NRG3: variants seen among roughly 807,000 people sequenced by gnomAD.
NRG3 encodes neuregulin 3.
A neutral mutation model predicts 66.9 loss-of-function variants in NRG3; 31 were observed. The ratio of observed to expected loss-of-function variants is 0.46; its 90% CI spans 0.35 to 0.63. The LOEUF is 0.63. Ranked by LOEUF, NRG3 falls within the 20% of genes least tolerant of loss-of-function variation. The pLI, the probability that NRG3 is intolerant of heterozygous loss-of-function variation, is 0.00. For synonymous variants in NRG3, 393 were observed against 359.4 expected, an observed-to-expected ratio of 1.09 and a Z score of -1.06; for missense variants, 910 against 878.9, an observed-to-expected ratio of 1.04 and a Z score of -0.45.
intron 1 of NRG3, among the ~76,000 whole-genome samples, chr10:82,018,451 G>T (rs1212939071): frequency 6.6e-6 from 1 of 152,156 alleles, no homozygotes; most frequent in Non-Finnish European, 1.5e-5. Context: ...CTTTAAAGTA[G>T]TTTTTTCCAA....
chr10:82,369,054 C>T lies in NRG3; in HGVS notation c.953+10186C>T, dbSNP rs1243073551. Among the ~76,000 whole-genome samples, 2 of 138,504 alleles carry T rather than the reference C, an allele frequency of 1.4e-5. 1 individual carries two copies. Among genetic ancestry groups the T allele is most frequent in the Admixed American group, 1.4e-4 (2 of 14,714 alleles). 90.9% of individuals were successfully genotyped at this position (138,504 alleles called of 152,430 possible). A position where few individuals can be genotyped will look rare whatever the true frequency, so the allele number is the denominator to read the frequency against. ...AGCATCAGGCAGCACTTCTGGGTTC[C>T]TGAGCATGCTATTTCTTTCCAAATC... On this transcript the variant is annotated intron_variant, in intron 2 of 8. Coordinates refer to ENST00000372141, the MANE Select transcript of NRG3 (RefSeq NM_001010848.4).
At chr10:82,622,123 CT>C (rs1398192975) in intron 2 of NRG3, among the ~76,000 whole-genome samples, 1 of 152,140 alleles carries the variant, frequency 6.6e-6, no homozygotes, top group East Asian at 1.9e-4. Context: ...CCTGTTGTCA[CT>C]GGTATTTTCT....
intron 1 of NRG3, among the ~76,000 whole-genome samples, chr10:82,350,896 C>CT (rs34056865): frequency 3.0e-3 from 432 of 144,360 alleles, no homozygotes; most frequent in African/African-American, 8.4e-3. Context: ...GTTAACTCTT[C>CT]TTTTTTTTTT....
chr10:82,813,512 C>G (rs931531284), intron 3 of NRG3, among the ~76,000 whole-genome samples: 5 of 152,118 alleles, frequency 3.3e-5, no homozygotes, highest in African/African-American at 9.7e-5. Context: ...CCGTGCCCAG[C>G]CTGTACCTTT....
intron 4 of NRG3, among the ~76,000 whole-genome samples, chr10:82,931,910 A>G (rs1324767580): frequency 6.6e-6 from 1 of 152,186 alleles, no homozygotes; most frequent in African/African-American, 2.4e-5. Context: ...TATTTTCCTC[A>G]TACATCGTTT....
At chr10:82,196,990 G>A (rs2074484567) in intron 1 of NRG3, among the ~76,000 whole-genome samples, 1 of 152,168 alleles carries the variant, frequency 6.6e-6, no homozygotes, top group Admixed American at 6.5e-5. Context: ...GTTGTCTAGT[G>A]AGTAGAAATA....
intron 2 of NRG3, among the ~76,000 whole-genome samples, chr10:82,706,971 G>A (rs1395176040): frequency 6.7e-6 from 1 of 149,496 alleles, no homozygotes; most frequent in Non-Finnish European, 1.5e-5. Context: ...TCCAGCCTGG[G>A]TGACAGAGTA....
chr10:82,513,605 A>C (rs1033895185), intron 2 of NRG3, among the ~76,000 whole-genome samples: 1 of 152,102 alleles, frequency 6.6e-6, no homozygotes, highest in Non-Finnish European at 1.5e-5. Flanking sequence ...ACATGGCGAA[A>C]CCCTGTTTCT....
chr10:81,903,974 GTATATATA>G (rs71007284), intron 1 of NRG3, among the ~76,000 whole-genome samples: 173 of 143,466 alleles, frequency 1.2e-3, no homozygotes, highest in African/African-American at 4.2e-3. Flanking sequence ...TTCAGAGTGT[GTATATATA>G]TATATATATA....
chr10:82,518,910 G>A (rs1015335887), intron 2 of NRG3, among the ~76,000 whole-genome samples: 1 of 152,128 alleles, frequency 6.6e-6, no homozygotes, highest in South Asian at 2.1e-4. Flanking sequence ...AACACCAAGA[G>A]ATTTGATAAT....
rs1004400370 is a variant in NRG3 at position 81,875,661 on chromosome 10, G to A, written c.321G>A (p.Gly107=). The stretch of plus-strand genomic sequence containing the variant: ...CCACCGACCTAGTGGACTCCAAGGG[G>A]ATGGGCCAGGACCCCTTCTTCCTCT... ...YVPTDLVDSK[G]MGQDPFFLSK... The change falls in exon 1 of 9, where the codon GGG becomes GGA. Residue 107 remains glycine (G), a synonymous_variant. Coordinates refer to ENST00000372141, the MANE Select transcript of NRG3 (RefSeq NM_001010848.4). This position sits in a 1 kb window ranked among gnomAD's most constrained non-coding sequence, Gnocchi z 5.3. 6.2e-7 allele frequency: 1 copy of A among 1,613,854 alleles called. No individual in the cohort carries two copies.
At chr10:82,824,358 G>C (rs1357227008) in intron 3 of NRG3, among the ~76,000 whole-genome samples, 2 of 152,158 alleles carry the variant, frequency 1.3e-5, no homozygotes, top group African/African-American at 4.8e-5. Flanking sequence ...GTAGACATGT[G>C]TTTTTAATTC....
intron 3 of NRG3, among the ~76,000 whole-genome samples, chr10:82,861,626 G>C (rs1247547443): frequency 6.6e-6 from 1 of 152,182 alleles, no homozygotes; most frequent in Non-Finnish European, 1.5e-5. Context: ...GCAGAGCATT[G>C]AAGTTCATGG....
chr10:82,515,223 C>T (rs1386459839), intron 2 of NRG3, among the ~76,000 whole-genome samples: 1 of 152,024 alleles, frequency 6.6e-6, no homozygotes, highest in African/African-American at 2.4e-5. Context: ...TGTAACAGAA[C>T]AAAACAAAAG....
At chr10:82,442,784 A>ATTTTTTTTTGTTTTTTTTTTTTTTTTT (rs2090500275) in intron 2 of NRG3, among the ~76,000 whole-genome samples, 1 of 54,254 alleles carries the variant, frequency 1.8e-5, no homozygotes, top group Non-Finnish European at 3.2e-5. Flanking sequence ...TTCTGTGTGG[A>ATTTTTTTTTGTTTTTTTTTTTTTTTTT]TTTTTTTTTT....
At chr10:82,341,513 C>T (rs1333913560) in intron 1 of NRG3, among the ~76,000 whole-genome samples, 11 of 152,032 alleles carry the variant, frequency 7.2e-5, no homozygotes, top group African/African-American at 2.4e-4. Context: ...ATGCTGACTT[C>T]TAAAGTTTCT....
At chr10:82,062,633 G>C (rs1034703288) in intron 1 of NRG3, among the ~76,000 whole-genome samples, 2 of 151,608 alleles carry the variant, frequency 1.3e-5, no homozygotes, top group African/African-American at 4.8e-5. Context: ...AAAAAAATAA[G>C]AATTAAGGGA....
At chr10:82,090,285 T>G (rs948036631) in intron 1 of NRG3, among the ~76,000 whole-genome samples, 1 of 152,348 alleles carries the variant, frequency 6.6e-6, no homozygotes, top group South Asian at 2.1e-4. Flanking sequence ...GGTTAGTGAC[T>G]GTTGGAGAAA....
intron 1 of NRG3, chr10:82,232,769 A>C (rs1162029500): frequency 2.8e-6 from 2 of 717,230 alleles, no homozygotes; most frequent in Non-Finnish European, 5.2e-6. Flanking sequence ...CATGCCATAC[A>C]TGGCAACATG....
Sources: gnomAD v4.1 joint callset for allele counts (sites outside exome capture counted in the v4.1 genomes callset) on GRCh38, gnomAD v4.1.1 for gene constraint, Gnocchi (gnomAD v3.1) non-coding constraint, MANE v1.5 for transcripts, NCBI Gene and HGNC (gene_info 2026-07-23, HGNC 2026-07-21) for gene names.